The following DNM3 variants were observed in gnomAD, a reference collection of about 807,000 sequenced individuals.
DNM3 encodes the protein dynamin-3.
DNM3 carries 47 observed loss-of-function variants against 101.6 expected under a neutral mutation model. That is an observed-to-expected ratio of 0.46 (90% CI 0.37 to 0.59). The LOEUF is 0.59. Ranked by LOEUF, DNM3 falls within the 20% of genes least tolerant of loss-of-function variation. The pLI is 0.00. For missense variants in DNM3, 849 were observed against 1,085.7 expected (o/e 0.78, Z 3.06); for synonymous variants, 385 against 387.9 (o/e 0.99, Z 0.09).
At chr1:171,875,769 A>T (rs1449460621) in intron 1 of DNM3, among the ~76,000 whole-genome samples, 2 of 151,534 alleles carry the variant, frequency 1.3e-5, no homozygotes, top group African/African-American at 4.9e-5. Flanking sequence ...TATTAAATAG[A>T]TATAAATAAA....
intron 1 of DNM3, among the ~76,000 whole-genome samples, chr1:171,901,297 T>G (rs947676793): frequency 6.6e-6 from 1 of 152,008 alleles, no homozygotes; most frequent in Non-Finnish European, 1.5e-5. Context: ...GATTTTTCCA[T>G]ATAATCCCGA....
At chr1:172,209,338 A>G (rs1411257873) in intron 14 of DNM3, among the ~76,000 whole-genome samples, 1 of 151,964 alleles carries the variant, frequency 6.6e-6, no homozygotes, top group Non-Finnish European at 1.5e-5. Flanking sequence ...TCATGAGAAA[A>G]TCATTTTACA....
chr1:171,883,481 T>TC (rs1360245511), intron 1 of DNM3, among the ~76,000 whole-genome samples: 3 of 151,760 alleles, frequency 2.0e-5, no homozygotes, highest in African/African-American at 7.3e-5. Flanking sequence ...TTTCTTTCTT[T>TC]TTTTTTTTGA....
chr1:172,256,938 T>G (rs932035780), intron 15 of DNM3, among the ~76,000 whole-genome samples: 6 of 151,918 alleles, frequency 3.9e-5, no homozygotes, highest in Admixed American at 1.3e-4. Context: ...AAAAGTGTGT[T>G]TTACATTTTA....
At chr1:171,848,867 C>T (rs553051172) in intron 1 of DNM3, among the ~76,000 whole-genome samples, 17 of 152,172 alleles carry the variant, frequency 1.1e-4, no homozygotes, top group Admixed American at 2.6e-4. Flanking sequence ...CATTTAATTC[C>T]GGAATTATAT....
At chr1:172,149,689 T>A (rs1402362223) in intron 14 of DNM3, among the ~76,000 whole-genome samples, 1 of 152,160 alleles carries the variant, frequency 6.6e-6, no homozygotes, top group East Asian at 1.9e-4. Context: ...TCACTGACAA[T>A]TTTAGAATAT....
intron 16 of DNM3, among the ~76,000 whole-genome samples, chr1:172,318,865 T>C (rs1434907253): frequency 1.3e-5 from 2 of 152,200 alleles, no homozygotes; most frequent in Non-Finnish European, 2.9e-5. Flanking sequence ...AATGACTTTC[T>C]TCACAGACTT....
chr1:171,929,685 C>T (rs1366910811), intron 2 of DNM3, among the ~76,000 whole-genome samples: 1 of 152,204 alleles, frequency 6.6e-6, no homozygotes, highest in Non-Finnish European at 1.5e-5. Context: ...AAGATGGCAG[C>T]CTGGCCCTCC....
At chr1:172,343,792 G>A (rs1371902782) in intron 17 of DNM3, among the ~76,000 whole-genome samples, 1 of 152,072 alleles carries the variant, frequency 6.6e-6, no homozygotes, top group Admixed American at 6.5e-5. Context: ...GAGAATAATC[G>A]TGTTCAGAAT....
chr1:171,905,645 G>A (rs1045915777), intron 1 of DNM3, among the ~76,000 whole-genome samples: 3 of 152,158 alleles, frequency 2.0e-5, no homozygotes, highest in Non-Finnish European at 4.4e-5. Context: ...AGATTTAGGG[G>A]AGAATATTAA....
In DNM3 at chr1:171,841,713, G is replaced by T; in HGVS notation, c.57G>T (p.Ala19=). 1 of 1,611,766 alleles carries T rather than the reference G, an allele frequency of 6.2e-7. No individual in the cohort carries two copies. The highest frequency in any genetic ancestry group is 8.5e-7 in the Non-Finnish European group (1 of 1,179,376). ...LIPLVNRLQD[A]FSALGQSCLL... ...CGCTGGTGAACCGTCTGCAGGACGC[G>T]TTTTCGGCGCTGGGACAGAGCTGCC... The change falls in exon 1 of 21, where the codon GCG becomes GCT. Residue 19 remains alanine (A), a synonymous_variant. Coordinates refer to ENST00000627582, the MANE Select transcript of DNM3 (RefSeq NM_015569.5).
rs555875558 is a variant in DNM3 at position 171,890,266 on chromosome 1, A to G, written c.162-31482A>G. 3.9e-5 allele frequency among the ~76,000 whole-genome samples: 6 copies of G among 152,250 alleles called. No homozygotes were observed. In the South Asian group the frequency reaches 1.2e-3, roughly 32 times the overall value. On this transcript the variant is annotated intron_variant, in intron 1 of 20. Transcript: ENST00000627582. ...ATCTGCTTTCTGGTTTTATTTTAAG[A>G]CTTGGCTTTTTAAAGTTTTCTCCAT...
intron 10 of DNM3, among the ~76,000 whole-genome samples, chr1:172,066,952 T>TTGTGTG (rs61202714): frequency 0.046 from 6,916 of 150,192 alleles, 275 homozygotes; most frequent in East Asian, 0.16. Context: ...GTCTCTGTGT[T>TTGTGTG]TGTGTGTGTG....
At chr1:172,081,048 C>T (rs910706518) in intron 11 of DNM3, among the ~76,000 whole-genome samples, 4 of 150,200 alleles carry the variant, frequency 2.7e-5, no homozygotes, top group Admixed American at 1.3e-4. Flanking sequence ...CTGGGAGCTG[C>T]ATACTGGAGC....
chr1:172,115,535 T>C (rs1433742372), intron 13 of DNM3, among the ~76,000 whole-genome samples: 3 of 152,206 alleles, frequency 2.0e-5, no homozygotes, highest in African/African-American at 7.2e-5. Context: ...TTAAGGTCTA[T>C]GGGATCCGTC....
intron 2 of DNM3, among the ~76,000 whole-genome samples, chr1:171,952,937 C>G (rs890103702): frequency 6.6e-6 from 1 of 152,164 alleles, no homozygotes; most frequent in East Asian, 1.9e-4. Context: ...ATAAAACACT[C>G]TCCTTTTTAC....
intron 20 of DNM3, among the ~76,000 whole-genome samples, chr1:172,394,988 A>C (rs2069854152): frequency 6.6e-6 from 1 of 152,148 alleles, no homozygotes; most frequent in African/African-American, 2.4e-5. Context: ...GTAAGAAAAG[A>C]ATGATTTTTA....
chr1:172,019,688 T>G (rs996681359), intron 4 of DNM3, among the ~76,000 whole-genome samples: 6 of 152,002 alleles, frequency 3.9e-5, no homozygotes, highest in Non-Finnish European at 7.4e-5. Flanking sequence ...TTTTCGATTT[T>G]AGATGTTTCT....
At chr1:172,396,675 C>T (rs2070030077) in intron 20 of DNM3, among the ~76,000 whole-genome samples, 1 of 152,162 alleles carries the variant, frequency 6.6e-6, no homozygotes, top group Non-Finnish European at 1.5e-5. Context: ...TCTTATTTTA[C>T]AATCAAATAT....
Sources: allele counts gnomAD v4.1 joint callset (sites outside exome capture counted in the v4.1 genomes callset), GRCh38; gene constraint gnomAD v4.1.1; transcripts MANE v1.5; gene names NCBI Gene and HGNC (gene_info 2026-07-23, HGNC 2026-07-21).